The following VKORC1L1 variants were observed in gnomAD, a reference collection of about 807,000 sequenced individuals.
The protein encoded by VKORC1L1 is vitamin K epoxide reductase complex subunit 1L1.
Under a neutral mutation model 18.9 loss-of-function variants are expected in VKORC1L1, and 2 were observed. That is an observed-to-expected ratio of 0.11 (90% confidence interval 0.04 to 0.33). The LOEUF is 0.33. Among genes scored for constraint, VKORC1L1 ranks in the 10% least tolerant of loss-of-function variants. The pLI is 1.00. For missense variants in VKORC1L1, 123 were observed against 224.1 expected (o/e 0.55, Z 2.88); for synonymous variants, 96 against 100.0 (o/e 0.96, Z 0.24).
At chr7:65,869,738 A>G (rs1198933316), upstream of VKORC1L1, among the ~76,000 whole-genome samples, 1 of 146,640 alleles carries the variant, frequency 6.8e-6, no homozygotes, top group Non-Finnish European at 1.5e-5. Flanking sequence ...GTAGCCTTGA[A>G]CTCCTGGGCT....
chr7:65,947,791 A>T lies in VKORC1L1; in HGVS notation c.195-880A>T, dbSNP rs180900525. Among the ~76,000 whole-genome samples the T allele has an allele frequency of 2.8e-3, 419 of 152,042 alleles. 1 individual carries two copies. Among genetic ancestry groups the T allele is most frequent in the Non-Finnish European group, 4.3e-3 (295 of 67,966 alleles). ...CTGCAACCTCTGCTTCCAGGGTTCAAGTGATTCTCCTGCCTTAGTCTCCCA... is the reference window on the plus strand; with the variant it reads ...CTGCAACCTCTGCTTCCAGGGTTCATGTGATTCTCCTGCCTTAGTCTCCCA... On this transcript the variant is annotated intron_variant, in intron 1 of 2. Transcript: ENST00000360768.
chr7:65,944,478 T>G (rs2115719189), intron 1 of VKORC1L1, among the ~76,000 whole-genome samples: 1 of 151,938 alleles, frequency 6.6e-6, no homozygotes, highest in East Asian at 1.9e-4. Context: ...GGTACCTGGG[T>G]TTTTTTTGTT....
chr7:65,918,816 G>A (rs1425382809), intron 1 of VKORC1L1, among the ~76,000 whole-genome samples: 1 of 152,104 alleles, frequency 6.6e-6, no homozygotes, highest in Non-Finnish European at 1.5e-5. Context: ...CAAAACAGGC[G>A]GGACGCGGTG....
At chr7:65,934,493 CT>C (rs1789909145) in intron 1 of VKORC1L1, among the ~76,000 whole-genome samples, 1 of 152,156 alleles carries the variant, frequency 6.6e-6, no homozygotes, top group Non-Finnish European at 1.5e-5. Context: ...CTTATTCCTC[CT>C]GTCTGAGATT....
intron 1 of VKORC1L1, among the ~76,000 whole-genome samples, chr7:65,938,104 A>T (rs1789976059): frequency 6.6e-6 from 1 of 152,104 alleles, no homozygotes; most frequent in African/African-American, 2.4e-5. Context: ...GCTACTTGGG[A>T]GGCTGAGGCA....
intron 1 of VKORC1L1, among the ~76,000 whole-genome samples, chr7:65,937,887 T>C (rs2115689983): frequency 6.6e-6 from 1 of 152,204 alleles, no homozygotes; most frequent in South Asian, 2.1e-4. Flanking sequence ...AAACATAAAT[T>C]ATTTGATCTC....
At chr7:65,929,680 G>GTATATA (rs150255530) in intron 1 of VKORC1L1, among the ~76,000 whole-genome samples, 6,295 of 103,482 alleles carry the variant, frequency 0.061, 232 homozygotes, top group Non-Finnish European at 0.066. Flanking sequence ...ATGTGTGTGT[G>GTATATA]TGTATATATA....
chr7:65,872,641 T>C (rs1788740508), upstream of VKORC1L1, among the ~76,000 whole-genome samples: 2 of 152,186 alleles, frequency 1.3e-5, no homozygotes, highest in South Asian at 4.1e-4. Flanking sequence ...AAATCATTTT[T>C]TAAAAATAGT....
At position 65,895,479 on chromosome 7, in the gene VKORC1L1, AAATATATATATATATATATATATAT is replaced by A. The variant is rs1397591250; in HGVS notation, c.194+21916_194+21940del. Among the ~76,000 whole-genome samples, 128 of 32,380 alleles carry A rather than the reference AAATATATATATATATATATATATAT, an allele frequency of 4.0e-3. 2 individuals are homozygous for A. Among genetic ancestry groups the A allele is most frequent in the South Asian group, 8.7e-3 (5 of 578 alleles). The allele number at this position is 32,380 out of a possible 152,430, so 21.2% of individuals were successfully genotyped here. A position where few individuals can be genotyped will look rare whatever the true frequency, so the allele number is the denominator to read the frequency against. On this transcript the variant is annotated intron_variant, in intron 1 of 2. Coordinates refer to ENST00000360768, the MANE Select transcript of VKORC1L1 (RefSeq NM_173517.6). Reference sequence around the variant, plus strand: ...AAAAAAAAAAAAAAAAAAAAAAAAAAAATATATATATATATATATATATATATATATATATATACACACACACACA... The same window carrying A: ...AAAAAAAAAAAAAAAAAAAAAAAAAAATATATATATATACACACACACACA...
At chr7:65,866,984 G>C in the VKORC1L1 span, among the ~76,000 whole-genome samples, 6 of 151,996 alleles carry the variant, frequency 3.9e-5, no homozygotes, top group East Asian at 1.2e-3. Flanking sequence ...GTCAACAGAT[G>C]AAGACCATCC....
chr7:65,926,677 A>C (rs1334150903), intron 1 of VKORC1L1, among the ~76,000 whole-genome samples: 2 of 152,350 alleles, frequency 1.3e-5, no homozygotes, highest in East Asian at 3.9e-4. Flanking sequence ...CACAATTCAC[A>C]ATTGCAAAGA....
intron 1 of VKORC1L1, among the ~76,000 whole-genome samples, chr7:65,880,541 G>T (rs1788910597): frequency 6.6e-6 from 1 of 152,166 alleles, no homozygotes; most frequent in African/African-American, 2.4e-5. Flanking sequence ...GTTTGAATCT[G>T]TCCTAGATTG....
intron 2 of VKORC1L1, among the ~76,000 whole-genome samples, chr7:65,953,570 A>G (rs2115755294): frequency 6.6e-6 from 1 of 152,372 alleles, no homozygotes; most frequent in East Asian, 1.9e-4. Flanking sequence ...TTTACCTGAA[A>G]GATTGAGAAA....
intron 2 of VKORC1L1, among the ~76,000 whole-genome samples, chr7:65,950,435 G>A (rs890972373): frequency 6.6e-6 from 1 of 151,998 alleles, no homozygotes; most frequent in Non-Finnish European, 1.5e-5. Flanking sequence ...TTACCTGTCA[G>A]CTCTTCTGAT....
At chr7:65,880,977 C>CAT (rs1208765326) in intron 1 of VKORC1L1, among the ~76,000 whole-genome samples, 1 of 152,192 alleles carries the variant, frequency 6.6e-6, no homozygotes, top group African/African-American at 2.4e-5. Context: ...CGTTGAGTGT[C>CAT]ATTGGCACTC....
At position 65,959,363 on chromosome 7, in the gene VKORC1L1, TTTAAC is replaced by T. The variant is rs1790357919; in HGVS notation, c.*5066_*5070del. On this transcript the variant is annotated 3_prime_UTR_variant, in exon 3 of 3. Coordinates refer to ENST00000360768, the MANE Select transcript of VKORC1L1 (RefSeq NM_173517.6). ...AAACCATTTAAATGTGTCTATTACA[TTTAAC>T]TTTTCTTAATGTTTGTCAACTAAAA... 1 of 152,210 alleles carries T rather than the reference TTTAAC, an allele frequency of 6.6e-6. No homozygotes were observed. Among genetic ancestry groups the T allele is most frequent in the Non-Finnish European group, 1.5e-5 (1 of 68,044 alleles). The allele number at this position is 152,210 out of a possible 1,614,324, so 9.4% of individuals were successfully genotyped here. A position where few individuals can be genotyped will look rare whatever the true frequency, so the allele number is the denominator to read the frequency against.
chr7:65,902,197 C>T (rs1176856733), intron 1 of VKORC1L1, among the ~76,000 whole-genome samples: 1 of 151,954 alleles, frequency 6.6e-6, no homozygotes, highest in Non-Finnish European at 1.5e-5. Context: ...AGAACTAGAT[C>T]CAGAAATGAC....
At chr7:65,902,446 AT>A (rs1789334123) in intron 1 of VKORC1L1, among the ~76,000 whole-genome samples, 1 of 152,236 alleles carries the variant, frequency 6.6e-6, no homozygotes. Flanking sequence ...ACTGTCCAAA[AT>A]GAGAACAGAA....
rs1356372469 is a variant in VKORC1L1 at position 65,873,260 on chromosome 7, T to TGGCGGCGGCGGCGGCGGTGGC, written c.-98_-97insCGGTGGCGGCGGCGGCGGCGG. ...GGCGCGGCGGCGGCGGCGGCGGTGG[T>TGGCGGCGGCGGCGGCGGTGGC]GGCGGCGGCGGCGGAGGCGGCGGTG... On this transcript the variant is annotated 5_prime_UTR_variant, in exon 1 of 3. Transcript: ENST00000360768. The TGGCGGCGGCGGCGGCGGTGGC allele has an allele frequency of 1.1e-6, 1 of 915,132 alleles. No homozygotes were observed. The allele number at this position is 915,132 out of a possible 1,614,324, so 56.7% of individuals were successfully genotyped here. A position where few individuals can be genotyped will look rare whatever the true frequency, so the allele number is the denominator to read the frequency against.
Sources: gnomAD v4.1 joint callset for allele counts (sites outside exome capture counted in the v4.1 genomes callset) on GRCh38, gnomAD v4.1.1 for gene constraint, MANE v1.5 for transcripts, NCBI Gene and HGNC (gene_info 2026-07-23, HGNC 2026-07-21) for gene names.